Variants in ACAD11 observed in about 807,000 individuals in gnomAD.
The protein encoded by ACAD11 is acyl-Coenzyme A dehydrogenase family, member 11.
Under a neutral mutation model 102.2 loss-of-function variants are expected in ACAD11, and 83 were observed. That is an observed-to-expected ratio of 0.81 (90% confidence interval 0.68 to 0.97). The LOEUF (loss-of-function observed/expected upper bound fraction) is 0.97, where lower values mean the gene tolerates loss of function less well. Among genes scored for constraint, ACAD11 ranks in the 50% least tolerant of loss-of-function variants. The probability of loss-of-function intolerance (pLI) is 0.00; values close to 1 mark genes in which losing one functional copy is unlikely to be tolerated. For synonymous variants in ACAD11, 324 were observed against 319.8 expected (o/e 1.01, Z -0.14); for missense variants, 901 against 951.7 (o/e 0.95, Z 0.70).
intron 17 of ACAD11, among the ~76,000 whole-genome samples, chr3:132,574,386 C>T (rs1302525074): frequency 6.6e-6 from 1 of 152,194 alleles, no homozygotes; most frequent in East Asian, 1.9e-4. Flanking sequence ...TTGCTGTATA[C>T]TAAAAACTTG....
chr3:132,628,302 C>T (rs1939903224), intron 8 of ACAD11, 38 bp downstream of exon 8: 2 of 1,463,856 alleles, frequency 1.4e-6, no homozygotes, highest in African/African-American at 2.8e-5. Context: ...CCAATAAAGG[C>T]TCTAATTTGA....
At chr3:132,641,563 A>AT (rs1559973662) in intron 4 of ACAD11, among the ~76,000 whole-genome samples, 13 of 92,568 alleles carry the variant, frequency 1.4e-4, no homozygotes, top group Admixed American at 5.3e-4. Context: ...ATGATGATGA[A>AT]GAAGAAGAAG....
At chr3:132,577,121 AG>A (rs1184230266) in intron 15 of ACAD11, 106 bp from the exon 16 acceptor site, 7 of 741,718 alleles carry the variant, frequency 9.4e-6, no homozygotes, top group Non-Finnish European at 1.6e-5. Flanking sequence ...AGGATTTCAA[AG>A]ATCCATATGG....
intron 13 of ACAD11, 52 bp downstream of exon 13, chr3:132,603,177 T>C: frequency 7.3e-7 from 1 of 1,361,470 alleles, no homozygotes; most frequent in South Asian, 1.2e-5. Context: ...TAGCATAGCA[T>C]CTGGAACAAA....
intron 1 of ACAD11, among the ~76,000 whole-genome samples, chr3:132,657,060 G>A (rs1463778066): frequency 6.6e-6 from 1 of 151,900 alleles, no homozygotes; most frequent in African/African-American, 2.4e-5. Context: ...TTCTGCTGTT[G>A]TCTTTAAAAT....
intron 17 of ACAD11, among the ~76,000 whole-genome samples, chr3:132,566,974 C>T (rs192132253): frequency 3.4e-4 from 52 of 152,148 alleles, no homozygotes; most frequent in South Asian, 1.2e-3. Context: ...ATAATTAAGA[C>T]AATTATATTG....
chr3:132,566,451 G>C (rs958576947), intron 17 of ACAD11, among the ~76,000 whole-genome samples: 1 of 152,086 alleles, frequency 6.6e-6, no homozygotes. Flanking sequence ...AATTTGGCAA[G>C]AGACCTAAAC....
At chr3:132,609,024 C>T (rs1485610763) in intron 11 of ACAD11, among the ~76,000 whole-genome samples, 1 of 152,092 alleles carries the variant, frequency 6.6e-6, no homozygotes, top group Non-Finnish European at 1.5e-5. Context: ...AACTGAACAA[C>T]CTGCTCCTGA....
intron 1 of ACAD11, among the ~76,000 whole-genome samples, chr3:132,655,045 AC>A (rs1937708601): frequency 6.6e-6 from 1 of 152,208 alleles, no homozygotes; most frequent in African/African-American, 2.4e-5. Context: ...ACACATTTAA[AC>A]ATAGAAAAGG....
chr3:132,601,811 C>T (rs1938616697), intron 13 of ACAD11: 1 of 337,882 alleles, frequency 3.0e-6, no homozygotes, highest in African/African-American at 2.2e-5. Flanking sequence ...ACACATTGTA[C>T]CAATTTCAAT....
intron 10 of ACAD11, 96 bp from the exon 11 acceptor site, chr3:132,618,868 A>T: frequency 8.1e-7 from 1 of 1,236,790 alleles, no homozygotes; most frequent in South Asian, 2.5e-5. Context: ...TGATCTTTGA[A>T]ATTTAAAAAC....
At chr3:132,598,383 A>C (rs1456151683) in intron 13 of ACAD11, among the ~76,000 whole-genome samples, 1 of 152,232 alleles carries the variant, frequency 6.6e-6, no homozygotes, top group Non-Finnish European at 1.5e-5. Context: ...TAACAGCTTT[A>C]TACCTGTTGG....
chr3:132,652,979 G>A (rs1177280424), intron 1 of ACAD11, among the ~76,000 whole-genome samples: 1 of 152,084 alleles, frequency 6.6e-6, no homozygotes, highest in Non-Finnish European at 1.5e-5. Flanking sequence ...CCAATAGCCT[G>A]AGGGCAGTTT....
intron 1 of ACAD11, among the ~76,000 whole-genome samples, chr3:132,652,038 G>A (rs1940948474): frequency 6.6e-6 from 1 of 152,158 alleles, no homozygotes; most frequent in Admixed American, 6.5e-5. Flanking sequence ...TGACGTTTGG[G>A]AAGGGTCAGG....
At chr3:132,659,564 A>C (rs75759619) in intron 1 of ACAD11, 39 bp downstream of exon 1, 1 of 1,608,068 alleles carries the variant, frequency 6.2e-7, no homozygotes, top group Non-Finnish European at 8.5e-7. Flanking sequence ...CTCAATGTAC[A>C]AATTTTTTTC....
intron 11 of ACAD11, among the ~76,000 whole-genome samples, chr3:132,608,224 C>T (rs940825275): frequency 6.6e-6 from 1 of 152,070 alleles, no homozygotes; most frequent in East Asian, 1.9e-4. Flanking sequence ...AACTAACAGG[C>T]AAAATAACCA....
rs549668483 is a variant in ACAD11 at position 132,577,872 on chromosome 3, C to A, written c.1775-857G>T. 3.9e-5 allele frequency among the ~76,000 whole-genome samples: 6 copies of A among 152,088 alleles called. 1 individual carries two copies. The highest frequency in any genetic ancestry group is 2.0e-4 in the Admixed American group (3 of 15,262). On this transcript the variant is annotated intron_variant, in intron 15 of 19. Coordinates refer to ENST00000264990, the MANE Select transcript of ACAD11 (RefSeq NM_032169.5). ...TATAAACGCATTTTTGGTATCTTTG[C>A]GGCCGTTTCGCTGCAACCCAACAAT... is the stretch of plus-strand genomic sequence containing the variant.
intron 7 of ACAD11, 75 bp downstream of exon 7, chr3:132,630,362 C>A: frequency 7.0e-7 from 1 of 1,425,978 alleles, no homozygotes; most frequent in South Asian, 1.7e-5. Context: ...AATATAAAAC[C>A]CGGAAGACTG....
At chr3:132,602,425 AC>A (rs1417814636) in intron 13 of ACAD11, among the ~76,000 whole-genome samples, 5 of 152,148 alleles carry the variant, frequency 3.3e-5, no homozygotes, top group Non-Finnish European at 7.4e-5. Flanking sequence ...CAAGTCTACC[AC>A]TGCCGATTGA....
Sources: gnomAD v4.1 joint callset for allele counts (sites outside exome capture counted in the v4.1 genomes callset) on GRCh38, gnomAD v4.1.1 for gene constraint, MANE v1.5 for transcripts, NCBI Gene and HGNC (gene_info 2026-07-23, HGNC 2026-07-21) for gene names.